Variants in CLHC1 observed in about 807,000 individuals in gnomAD.
CLHC1 encodes clathrin heavy chain linker domain-containing protein 1.
CLHC1 carries 72 observed loss-of-function variants against 69.5 expected under a neutral mutation model. The ratio of observed to expected loss-of-function variants is 1.04; its 90% CI spans 0.86 to 1.26. The LOEUF is 1.26. CLHC1 is among the 50% of genes most tolerant of loss of function. CLHC1 has a pLI of 0.00. For missense variants in CLHC1, 790 were observed against 679.3 expected, an observed-to-expected ratio of 1.16 and a Z score of -1.81; for synonymous variants, 223 against 224.3, an observed-to-expected ratio of 0.99 and a Z score of 0.05.
In CLHC1 at chr2:55,180,719, C is replaced by A. The variant is rs375611488; in HGVS notation, c.1182-7G>T. 28 of 1,611,468 alleles carry A rather than the reference C, an allele frequency of 1.7e-5. 1 individual carries two copies. The highest frequency in any genetic ancestry group is 2.4e-5 in the Non-Finnish European group (28 of 1,177,840). On this transcript the variant is annotated splice_polypyrimidine_tract_variant and splice_region_variant and intron_variant, in intron 10 of 12. Transcript: ENST00000401408. ...CTCCTCAGAAAATGTCAGTCTAGAACAAGCAGATCAATAAGACATATGTTA... is the reference window on the plus strand; with the variant it reads ...CTCCTCAGAAAATGTCAGTCTAGAAAAAGCAGATCAATAAGACATATGTTA...
intron 3 of CLHC1, among the ~76,000 whole-genome samples, chr2:55,221,977 T>C (rs1487504301): frequency 6.6e-6 from 1 of 152,166 alleles, no homozygotes; most frequent in Non-Finnish European, 1.5e-5. Flanking sequence ...ACTCTCTCTT[T>C]AAAAAATATA....
intron 3 of CLHC1, among the ~76,000 whole-genome samples, chr2:55,219,801 C>T (rs749466512): frequency 1.3e-5 from 2 of 152,146 alleles, no homozygotes; most frequent in Non-Finnish European, 2.9e-5. Flanking sequence ...TCCATTCCAC[C>T]TCAGCTCCTC....
intron 7 of CLHC1, 63 bp downstream of exon 7, chr2:55,209,341 A>C: frequency 5.1e-6 from 5 of 971,070 alleles, no homozygotes; most frequent in Non-Finnish European, 7.9e-6. Context: ...ACCCCATTCT[A>C]ACTAGCTAGC....
intron 9 of CLHC1, among the ~76,000 whole-genome samples, chr2:55,202,667 C>T (rs921300952): frequency 5.9e-5 from 9 of 151,776 alleles, no homozygotes; most frequent in East Asian, 1.9e-4. Flanking sequence ...GAGGTCAAGG[C>T]GGGCTGATCA....
intron 1 of CLHC1, among the ~76,000 whole-genome samples, chr2:55,229,484 T>C (rs771326586): frequency 4.3e-4 from 66 of 152,022 alleles, no homozygotes; most frequent in Non-Finnish European, 8.8e-4. Context: ...TAGAAGAGAA[T>C]GAGAAAGGGA....
chr2:55,212,200 C>G (rs907839169), intron 5 of CLHC1, among the ~76,000 whole-genome samples: 5 of 152,138 alleles, frequency 3.3e-5, no homozygotes, highest in African/African-American at 9.7e-5. Flanking sequence ...TCGCTTAAAC[C>G]CTGGAGAGGG....
At chr2:55,204,306 T>G (rs1672235580) in intron 9 of CLHC1, among the ~76,000 whole-genome samples, 1 of 152,040 alleles carries the variant, frequency 6.6e-6, no homozygotes, top group African/African-American at 2.4e-5. Context: ...GCAAAAGATT[T>G]GAATAGACAT....
In CLHC1 at chr2:55,172,743, C is replaced by T. The variant is rs1483947898; in HGVS notation, c.*3047G>A. On this transcript the variant is annotated 3_prime_UTR_variant, in exon 13 of 13. Coordinates refer to ENST00000401408, the MANE Select transcript of CLHC1 (RefSeq NM_152385.4). Reference sequence around the variant, plus strand: ...GCCTCTGCTATGATTTTTGACTTAACATATGCTTTAGCAATCCAACAGAAT... The same window carrying T: ...GCCTCTGCTATGATTTTTGACTTAATATATGCTTTAGCAATCCAACAGAAT... Among the ~76,000 whole-genome samples, 1 of 148,058 alleles carries T rather than the reference C, an allele frequency of 6.8e-6. No individual in the cohort carries two copies. The highest frequency in any genetic ancestry group is 2.0e-4 in the East Asian group (1 of 5,122).
At chr2:55,204,695 A>G (rs1251814985) in intron 9 of CLHC1, among the ~76,000 whole-genome samples, 1 of 152,182 alleles carries the variant, frequency 6.6e-6, no homozygotes. Flanking sequence ...GTGTCCATCA[A>G]CAGACAAATG....
At chr2:55,223,859 G>C (rs1184123824) in intron 2 of CLHC1, 1 of 152,212 alleles carries the variant, frequency 6.6e-6, no homozygotes, top group African/African-American at 2.4e-5. Flanking sequence ...GCAGCGGCGA[G>C]ATCTCAGCTC....
chr2:55,222,450 A>T lies in CLHC1; in HGVS notation c.-39T>A. ...CACACTTGTTCACTGAAGAACAGCT[A>T]AATCTTGACCTGCTCTTGCAACAAA... On this transcript the variant is annotated 5_prime_UTR_variant, in exon 3 of 13. Coordinates refer to ENST00000401408, the MANE Select transcript of CLHC1 (RefSeq NM_152385.4). The T allele has an allele frequency of 6.4e-7, 1 of 1,553,288 alleles. No homozygotes were observed. Among genetic ancestry groups the T allele is most frequent in the Non-Finnish European group, 8.8e-7 (1 of 1,140,410 alleles).
chr2:55,225,887 A>T (rs1363147942), intron 2 of CLHC1: 1 of 152,136 alleles, frequency 6.6e-6, no homozygotes, highest in Non-Finnish European at 1.5e-5. Context: ...TGATGAAGGA[A>T]TGAATAAAGA....
At chr2:55,199,939 G>A (rs1172574691) in intron 9 of CLHC1, among the ~76,000 whole-genome samples, 2 of 152,064 alleles carry the variant, frequency 1.3e-5, no homozygotes, top group African/African-American at 4.8e-5. Context: ...AAGACATAGA[G>A]TGGGCCAGAC....
intron 9 of CLHC1, among the ~76,000 whole-genome samples, chr2:55,203,560 A>G (rs1672160900): frequency 6.6e-6 from 1 of 152,186 alleles, no homozygotes; most frequent in Non-Finnish European, 1.5e-5. Context: ...TATACTGGGG[A>G]AAAGACAGTC....
In CLHC1 at chr2:55,177,685, C is replaced by A. The variant is rs757899897; in HGVS notation, c.1481G>T (p.Gly494Val). 4 of 1,613,188 alleles carry A rather than the reference C, an allele frequency of 2.5e-6. No individual in the cohort carries two copies. The highest frequency in any genetic ancestry group is 2.7e-5 in the African/African-American group (2 of 74,990). Residue 494 changes from glycine to valine, a missense_variant, in exon 12 of 13, where the codon GGT (glycine) becomes GTT (valine). Transcript: ENST00000401408. ...AGAGAACAGATGAAGTATAGCAAGA[C>A]CAAAAGATAAAGATGGTTGTTTCTC... ...LNEKQPSLSF[G>V]LAILHLFSAD... is the part of the protein sequence containing the mutation.
intron 11 of CLHC1, among the ~76,000 whole-genome samples, chr2:55,179,816 ATT>A (rs950044853): frequency 6.6e-6 from 1 of 152,192 alleles, no homozygotes; most frequent in African/African-American, 2.4e-5. Flanking sequence ...TTTGAAATAA[ATT>A]AGAAATTCTT....
Position 55,175,790 on chromosome 2 carries a change from C to A in CLHC1, c.1761G>T (p.Ter587TyrextTer7), listed in dbSNP as rs1456239039. Residue 587 changes from the stop codon to tyrosine (Y), a stop_lost, in exon 13 of 13, where the codon TAG (stop) becomes TAT (tyrosine). Transcript: ENST00000401408. ...AVNLMEHVFW[*>Y] ...TCCCTCAGCTGGTTAAGATATAGAACTACCAAAACACATGTTCCATTAGGT... is the reference window on the plus strand; with the variant it reads ...TCCCTCAGCTGGTTAAGATATAGAAATACCAAAACACATGTTCCATTAGGT... 1 of 1,612,678 alleles carries A rather than the reference C, an allele frequency of 6.2e-7. No individual in the cohort carries two copies. Among genetic ancestry groups the A allele is most frequent in the Admixed American group, 1.7e-5 (1 of 59,960 alleles).
At position 55,217,172 on chromosome 2, in the gene CLHC1, G is replaced by C. The variant is rs1291351455; in HGVS notation, c.365+639C>G. ...ATCAAGCTACTGTACTCCAGCCTGGGCAACAGAGCAAGCCCTGCTTCAAAC... is the reference window on the plus strand; with the variant it reads ...ATCAAGCTACTGTACTCCAGCCTGGCCAACAGAGCAAGCCCTGCTTCAAAC... On this transcript the variant is annotated intron_variant, in intron 4 of 12. Coordinates refer to ENST00000401408, the MANE Select transcript of CLHC1 (RefSeq NM_152385.4). 2.0e-5 allele frequency among the ~76,000 whole-genome samples: 3 copies of C among 151,840 alleles called. No individual in the cohort carries two copies. The South Asian group carries it at 6.2e-4, about 32-fold the overall frequency.
chr2:55,208,669 G>A lies in CLHC1; in HGVS notation c.856C>T (p.Arg286Cys), dbSNP rs187394919. Residue 286 changes from arginine to cysteine, a missense_variant, in exon 8 of 13, where the codon CGC (arginine) becomes TGC (cysteine). Transcript: ENST00000401408. ...ATAATTTCAGCTTCTTTTGCCCTGC[G>A]TGGATCATCTTCCATTAGTTCTTCA... ...IVEELMEDDPRRAKEAEIMLH... is the reference protein window; with the variant it reads ...IVEELMEDDPCRAKEAEIMLH... 42 of 1,612,212 alleles carry A rather than the reference G, an allele frequency of 2.6e-5. No homozygotes were observed. The highest frequency in any genetic ancestry group is 1.8e-4 in the East Asian group (8 of 44,846).
Sources: gnomAD v4.1 joint callset for allele counts (sites outside exome capture counted in the v4.1 genomes callset) on GRCh38, gnomAD v4.1.1 for gene constraint, MANE v1.5 for transcripts, NCBI Gene and HGNC (gene_info 2026-07-23, HGNC 2026-07-21) for gene names.